The following SMARCA2 variants were observed in gnomAD, a reference collection of about 807,000 sequenced individuals.
SMARCA2 encodes SWI/SNF related BAF chromatin remodeling complex subunit ATPase 2.
A neutral mutation model predicts 199.8 loss-of-function variants in SMARCA2; 61 were observed. The ratio of observed to expected loss-of-function variants is 0.31; its 90% CI spans 0.25 to 0.38. The LOEUF (loss-of-function observed/expected upper bound fraction) is 0.38. Among genes scored for constraint, SMARCA2 ranks in the 10% least tolerant of loss-of-function variants. SMARCA2 has a pLI of 1.00. For missense variants in SMARCA2, 1,344 were observed against 2,012.2 expected (o/e 0.67, Z 6.35); for synonymous variants, 935 against 732.0 (o/e 1.28, Z -4.48).
rs7042218 is a variant in SMARCA2, at chr9:2,092,287, A to G, written c.2883+3674A>G. Among the ~76,000 whole-genome samples the G allele has an allele frequency of 6.9e-3, 1,053 of 152,302 alleles. 14 individuals are homozygous for G. Among genetic ancestry groups the G allele is most frequent in the African/African-American group, 0.024 (993 of 41,550 alleles). Reference sequence around the variant, plus strand: ...CTAGAGGTTGACCTACCTAAAGTCAATCCTGATTCTGATATAATTTGTGAA... The same window carrying G: ...CTAGAGGTTGACCTACCTAAAGTCAGTCCTGATTCTGATATAATTTGTGAA... On this transcript the variant is annotated intron_variant, in intron 19 of 33. Coordinates refer to ENST00000349721, the MANE Select transcript of SMARCA2 (RefSeq NM_003070.5).
intron 19 of SMARCA2, among the ~76,000 whole-genome samples, chr9:2,095,449 T>C (rs1439415460): frequency 6.6e-6 from 1 of 152,186 alleles, no homozygotes; most frequent in East Asian, 1.9e-4. Flanking sequence ...TGATCAGTTA[T>C]CTAAAACACA....
chr9:2,046,447 A>G (rs1200575717), intron 4 of SMARCA2, among the ~76,000 whole-genome samples: 1 of 152,188 alleles, frequency 6.6e-6, no homozygotes, highest in Admixed American at 6.5e-5. Flanking sequence ...TGGAATGAGC[A>G]GATTTTTTTT....
At chr9:2,057,995 G>A (rs1820428972) in intron 7 of SMARCA2, among the ~76,000 whole-genome samples, 1 of 152,166 alleles carries the variant, frequency 6.6e-6, no homozygotes, top group Admixed American at 6.5e-5. Context: ...TTGCCATTTT[G>A]TAGGTCTCTT....
chr9:2,061,016 C>T, intron 9 of SMARCA2, 30 bp downstream of exon 9: 1 of 1,605,232 alleles, frequency 6.2e-7, no homozygotes, highest in Non-Finnish European at 8.5e-7. Flanking sequence ...TGGCTGAGTC[C>T]AGGGTGTATG....
At chr9:2,103,675 A>C (rs1266598708) in intron 22 of SMARCA2, among the ~76,000 whole-genome samples, 2 of 151,722 alleles carry the variant, frequency 1.3e-5, no homozygotes, top group Non-Finnish European at 2.9e-5. Context: ...AGAGAGAGAG[A>C]GAGAGAGAGA....
At chr9:2,164,945 CTATT>C (rs1197018132) in intron 28 of SMARCA2, among the ~76,000 whole-genome samples, 1 of 152,138 alleles carries the variant, frequency 6.6e-6, no homozygotes, top group Admixed American at 6.5e-5. Flanking sequence ...AAAGCACTAA[CTATT>C]TATATTTTGT....
Position 2,017,440 on chromosome 9 carries a change from CAG to C in SMARCA2, c.-37+2037_-37+2038del, listed in dbSNP as rs1818405206. Reference sequence around the variant, plus strand: ...CGCGCAGGAGCCAGTGCGTCGGGAGCAGCGGCTCGGGCAGCTGCTCCTGCCCG... The same window carrying C: ...CGCGCAGGAGCCAGTGCGTCGGGAGCCGGCTCGGGCAGCTGCTCCTGCCCG... On this transcript the variant is annotated intron_variant, in intron 1 of 33. Coordinates refer to ENST00000349721, the MANE Select transcript of SMARCA2 (RefSeq NM_003070.5). The surrounding 1 kb of genome is among the most constrained non-coding windows in gnomAD (Gnocchi z 8.8). 3 of 151,854 alleles carry C rather than the reference CAG, an allele frequency of 2.0e-5. No individual in the cohort carries two copies. 9.4% of individuals were successfully genotyped at this position (151,854 alleles called of 1,614,324 possible).
At chr9:2,156,603 G>A (rs1825378124) in intron 27 of SMARCA2, among the ~76,000 whole-genome samples, 1 of 151,846 alleles carries the variant, frequency 6.6e-6, no homozygotes, top group Non-Finnish European at 1.5e-5. Context: ...GGCTAATTTT[G>A]TATTTTTAGT....
chr9:2,062,429 T>A (rs6475456), intron 9 of SMARCA2, among the ~76,000 whole-genome samples: 53,220 of 152,020 alleles, frequency 0.35, 12,337 homozygotes, highest in African/African-American at 0.67. Context: ...AATGACCCAG[T>A]TTTGAGATTA....
intron 32 of SMARCA2, among the ~76,000 whole-genome samples, chr9:2,187,224 A>C (rs546573085): frequency 1.0e-4 from 14 of 135,524 alleles, no homozygotes; most frequent in Non-Finnish European, 2.4e-4. Context: ...TGGGTTTTTA[A>C]AATATTTACC....
chr9:2,136,578 A>T (rs541384543), intron 27 of SMARCA2, among the ~76,000 whole-genome samples: 45 of 152,240 alleles, frequency 3.0e-4, no homozygotes, highest in African/African-American at 1.1e-3. Context: ...CCATTTGTCA[A>T]ACATTGATTA....
intron 31 of SMARCA2, among the ~76,000 whole-genome samples, chr9:2,183,607 G>A (rs1193273593): frequency 6.6e-6 from 1 of 152,148 alleles, no homozygotes; most frequent in Admixed American, 6.5e-5. Context: ...ATACCCTTCT[G>A]CCTGCACATC....
intron 3 of SMARCA2, among the ~76,000 whole-genome samples, chr9:2,038,401 C>G (rs956064006): frequency 5.9e-5 from 9 of 152,146 alleles, no homozygotes; most frequent in Non-Finnish European, 8.8e-5. Context: ...TTTCCTGTGC[C>G]CAGAACCACT....
intron 4 of SMARCA2, chr9:2,041,593 G>C (rs765306753): frequency 1.3e-5 from 5 of 392,698 alleles, no homozygotes; most frequent in African/African-American, 2.1e-5. Flanking sequence ...AATTTTGAGG[G>C]GACCATAAAC....
chr9:2,075,152 T>G (rs1045888805), intron 12 of SMARCA2: 2 of 152,346 alleles, frequency 1.3e-5, no homozygotes, highest in African/African-American at 2.4e-5. Context: ...GAGTGACATG[T>G]GGAGAGTCAT....
chr9:2,028,351 G>A (rs1252626467), intron 1 of SMARCA2, among the ~76,000 whole-genome samples: 1 of 114,410 alleles, frequency 8.7e-6, no homozygotes, highest in East Asian at 3.0e-4. Flanking sequence ...TTTCACACAT[G>A]TCATTGCATT....
At chr9:2,100,115 G>A (rs1367044594) in intron 21 of SMARCA2, among the ~76,000 whole-genome samples, 1 of 152,256 alleles carries the variant, frequency 6.6e-6, no homozygotes, top group Non-Finnish European at 1.5e-5. Context: ...AGGGAAAGCA[G>A]AAAAGGGAGA....
chr9:2,036,789 C>A (rs763024628), intron 3 of SMARCA2, among the ~76,000 whole-genome samples: 1 of 152,050 alleles, frequency 6.6e-6, no homozygotes, highest in Non-Finnish European at 1.5e-5. Context: ...TGACCAGGTT[C>A]TTTTTTTCAG....
rs1165888986 is a variant in SMARCA2 at position 2,169,148 on chromosome 9, C to G, written c.4200-1271C>G. Among the ~76,000 whole-genome samples, 1 of 152,142 alleles carries G rather than the reference C, an allele frequency of 6.6e-6. No homozygotes were observed. The highest frequency in any genetic ancestry group is 1.5e-5 in the Non-Finnish European group (1 of 68,016). ...CCCCTCAACCTGCTCCTAATTGTCC[C>G]TACAAGACACCCGTTCACCTGCCTC... On this transcript the variant is annotated intron_variant, in intron 28 of 33. Transcript: ENST00000349721. This position sits in a 1 kb window ranked among gnomAD's most constrained non-coding sequence, Gnocchi z 6.5.
Sources: gnomAD v4.1 joint callset for allele counts (sites outside exome capture counted in the v4.1 genomes callset) on GRCh38, gnomAD v4.1.1 for gene constraint, Gnocchi (gnomAD v3.1) non-coding constraint, MANE v1.5 for transcripts, NCBI Gene and HGNC (gene_info 2026-07-23, HGNC 2026-07-21) for gene names.